Variants in ROCK1 observed in about 807,000 individuals in gnomAD.
ROCK1 encodes rho-associated protein kinase 1.
A neutral mutation model predicts 196.8 loss-of-function variants in ROCK1; 36 were observed. The ratio of observed to expected loss-of-function variants is 0.18; its 90% confidence interval spans 0.14 to 0.24. The LOEUF (loss-of-function observed/expected upper bound fraction) is 0.24. ROCK1 is among the 10% of genes least tolerant of loss of function. The pLI is 1.00. For synonymous variants in ROCK1, 443 were observed against 515.9 expected (o/e 0.86, Z 1.91); for missense variants, 920 against 1,562.0 (o/e 0.59, Z 6.93).
chr18:20,984,241 T>C, intron 20 of ROCK1, 110 bp downstream of exon 20: 1 of 808,822 alleles, frequency 1.2e-6, no homozygotes. Context: ...TTTTTTTCTG[T>C]CTTTCACAAA....
intron 1 of ROCK1, among the ~76,000 whole-genome samples, chr18:21,096,226 G>A (rs1206933707): frequency 3.3e-5 from 5 of 149,924 alleles, no homozygotes; most frequent in Admixed American, 6.6e-5. Context: ...TTGAGATGGA[G>A]TCTCACTCTG....
At chr18:20,959,510 C>A (rs2035306099) in intron 29 of ROCK1, among the ~76,000 whole-genome samples, 2 of 151,256 alleles carry the variant, frequency 1.3e-5, no homozygotes, top group South Asian at 4.2e-4. Flanking sequence ...CCGCACCCGG[C>A]CCTCTTTCAA....
chr18:20,963,608 G>A (rs892898049), intron 27 of ROCK1, among the ~76,000 whole-genome samples: 1 of 152,014 alleles, frequency 6.6e-6, no homozygotes, highest in Non-Finnish European at 1.5e-5. Context: ...TAATCCATAA[G>A]AGATAATGAA....
At chr18:20,972,839 G>A (rs562613745) in intron 22 of ROCK1, among the ~76,000 whole-genome samples, 5 of 152,316 alleles carry the variant, frequency 3.3e-5, no homozygotes, top group African/African-American at 9.6e-5. Context: ...TTTCAAGTAA[G>A]TTGGCTATAA....
chr18:20,959,884 T>C lies in ROCK1; in HGVS notation c.3468A>G (p.Glu1156=), dbSNP rs45527938. Residue 1156 remains glutamate (E), a synonymous_variant, in exon 29 of 33, where the codon GAA becomes GAG. Coordinates refer to ENST00000399799, the MANE Select transcript of ROCK1 (RefSeq NM_005406.3). ...SSKKILFYND[E]QDKEQSNPSM... is the part of the protein sequence containing the mutation. ...ATGGATTGGATTGCTCCTTATCTTG[T>C]TCGTCATTATAGAACAAAATTTTTT... is the stretch of plus-strand genomic sequence containing the variant. 46 of 1,611,662 alleles carry C rather than the reference T, an allele frequency of 2.9e-5. No individual in the cohort carries two copies. The highest frequency in any genetic ancestry group is 3.9e-5 in the Non-Finnish European group (46 of 1,178,548).
chr18:21,066,223 T>C (rs2036333051), intron 2 of ROCK1, among the ~76,000 whole-genome samples: 1 of 152,138 alleles, frequency 6.6e-6, no homozygotes, highest in Non-Finnish European at 1.5e-5. Flanking sequence ...AAGGAGAATG[T>C]TCTAATTATA....
At chr18:21,101,122 AT>A (rs1180272552) in intron 1 of ROCK1, among the ~76,000 whole-genome samples, 2 of 152,238 alleles carry the variant, frequency 1.3e-5, no homozygotes, top group Non-Finnish European at 2.9e-5. Context: ...CATGAATTGG[AT>A]TTCATGGTAA....
chr18:21,057,025 C>T (rs1327770887), intron 2 of ROCK1, among the ~76,000 whole-genome samples: 1 of 152,202 alleles, frequency 6.6e-6, no homozygotes, highest in Non-Finnish European at 1.5e-5. Context: ...ACTTCCGATC[C>T]TTCTTAAACT....
intron 1 of ROCK1, among the ~76,000 whole-genome samples, chr18:21,083,934 C>A (rs1233150470): frequency 6.6e-6 from 1 of 151,964 alleles, no homozygotes; most frequent in Non-Finnish European, 1.5e-5. Context: ...GTCAATTGTG[C>A]AGAAAAATGG....
chr18:21,093,828 C>T (rs1383837237), intron 1 of ROCK1, among the ~76,000 whole-genome samples: 1 of 151,924 alleles, frequency 6.6e-6, no homozygotes, highest in Non-Finnish European at 1.5e-5. Context: ...TGGTGGTGTG[C>T]ACCTGTAGTC....
chr18:21,038,431 T>C (rs1332010315), intron 9 of ROCK1, among the ~76,000 whole-genome samples: 1 of 152,174 alleles, frequency 6.6e-6, no homozygotes, highest in Non-Finnish European at 1.5e-5. Context: ...GACAATTTTA[T>C]AGCTCAGCAC....
chr18:20,961,818 C>CTTTTTTTTTTTTTTTTTTTTTTTTCTT (rs11334095), intron 27 of ROCK1, among the ~76,000 whole-genome samples: 1 of 117,210 alleles, frequency 8.5e-6, no homozygotes, highest in Non-Finnish European at 1.7e-5. Context: ...TTTCTTTTTC[C>CTTTTTTTTTTTTTTTTTTTTTTTTCTT]TTTTTTTTTT....
intron 2 of ROCK1, among the ~76,000 whole-genome samples, chr18:21,055,114 G>A (rs2036236044): frequency 1.3e-5 from 2 of 152,024 alleles, no homozygotes; most frequent in Non-Finnish European, 2.9e-5. Flanking sequence ...GCTCTCTTCT[G>A]CCTCACTTTA....
intron 1 of ROCK1, among the ~76,000 whole-genome samples, chr18:21,108,179 T>C (rs887881236): frequency 2.0e-5 from 3 of 152,132 alleles, no homozygotes; most frequent in Non-Finnish European, 4.4e-5. Context: ...ATTATAAGAT[T>C]TGAAGGGGAA....
intron 2 of ROCK1, among the ~76,000 whole-genome samples, chr18:21,052,342 T>C (rs2036210588): frequency 6.6e-6 from 1 of 152,226 alleles, no homozygotes; most frequent in South Asian, 2.1e-4. Flanking sequence ...GGACTTTAGT[T>C]TCCCAAACAC....
At position 20,985,983 on chromosome 18, in the gene ROCK1, T is replaced by G. The variant is rs572849871; in HGVS notation, c.2304+967A>C. 4.6e-5 allele frequency among the ~76,000 whole-genome samples: 7 copies of G among 152,180 alleles called. No individual in the cohort carries two copies. The East Asian group carries it at 1.4e-3, about 29-fold the overall frequency. Reference sequence around the variant, plus strand: ...AAGGAATCCTCCCACCTCAGCCTCCTGAGTAGCTGGAACTATAGGCATGCG... The same window carrying G: ...AAGGAATCCTCCCACCTCAGCCTCCGGAGTAGCTGGAACTATAGGCATGCG... On this transcript the variant is annotated intron_variant, in intron 19 of 32. Transcript: ENST00000399799.
chr18:21,057,597 G>A (rs563621299), intron 2 of ROCK1, among the ~76,000 whole-genome samples: 9 of 152,266 alleles, frequency 5.9e-5, no homozygotes, highest in South Asian at 2.1e-4. Flanking sequence ...CAAGGCAGGC[G>A]GATTGCTTGA....
intron 14 of ROCK1, among the ~76,000 whole-genome samples, chr18:21,007,000 TTTC>T (rs1449811515): frequency 6.6e-6 from 1 of 152,170 alleles, no homozygotes; most frequent in Admixed American, 6.5e-5. Flanking sequence ...TGCAAAAAGA[TTTC>T]TTCTTACTGT....
chr18:21,009,023 C>T (rs1463989299), intron 13 of ROCK1, among the ~76,000 whole-genome samples: 1 of 152,078 alleles, frequency 6.6e-6, no homozygotes, highest in Non-Finnish European at 1.5e-5. Context: ...AATTTCTTTC[C>T]AGTCACTAGT....
Sources: allele counts gnomAD v4.1 joint callset (sites outside exome capture counted in the v4.1 genomes callset), GRCh38; gene constraint gnomAD v4.1.1; transcripts MANE v1.5; gene names NCBI Gene and HGNC (gene_info 2026-07-23, HGNC 2026-07-21).